Variants in GLT6D1 observed in about 807,000 individuals in gnomAD.
GLT6D1 encodes putative glycosyltransferase 6 domain-containing protein 1.
GLT6D1 carries 9 observed loss-of-function variants against 12.3 expected under a neutral mutation model. The ratio of observed to expected loss-of-function variants is 0.73; its 90% CI spans 0.44 to 1.27. The LOEUF is 1.27. GLT6D1 is among the 50% of genes most tolerant of loss of function. The pLI, the probability that GLT6D1 is intolerant of heterozygous loss-of-function variation, is 0.00. For synonymous variants in GLT6D1, 128 were observed against 132.3 expected (o/e 0.97, Z 0.23); for missense variants, 335 against 346.2 (o/e 0.97, Z 0.26).
At chr9:135,634,107 G>A (rs1221786688) in intron 2 of GLT6D1, among the ~76,000 whole-genome samples, 2 of 152,138 alleles carry the variant, frequency 1.3e-5, no homozygotes, top group Non-Finnish European at 2.9e-5. Flanking sequence ...AAAATACATG[G>A]CACCAAAGCA....
intron 3 of GLT6D1, among the ~76,000 whole-genome samples, chr9:135,631,126 G>A (rs1459842440): frequency 6.6e-6 from 1 of 152,184 alleles, no homozygotes; most frequent in East Asian, 1.9e-4. Context: ...GCCCCTGAGT[G>A]CTGCCACCAA....
At chr9:135,632,543 C>T (rs1833673506) in intron 2 of GLT6D1, among the ~76,000 whole-genome samples, 1 of 152,122 alleles carries the variant, frequency 6.6e-6, no homozygotes, top group South Asian at 2.1e-4. Context: ...AATAAAAAGT[C>T]CCCATTCTTT....
chr9:135,640,345 A>G (rs529699238), upstream of GLT6D1, among the ~76,000 whole-genome samples: 5 of 152,238 alleles, frequency 3.3e-5, no homozygotes, highest in Non-Finnish European at 7.3e-5. Flanking sequence ...AATGAGTTAA[A>G]TGAGAAATAA....
intron 3 of GLT6D1, among the ~76,000 whole-genome samples, chr9:135,627,564 C>T (rs1310517165): frequency 1.3e-5 from 2 of 152,068 alleles, no homozygotes; most frequent in Admixed American, 6.5e-5. Context: ...TTTATATGTT[C>T]ATTAGTTGAT....
Position 135,626,199 on chromosome 9 carries a change from G to A in GLT6D1, c.127C>T (p.Pro43Ser). Residue 43 changes from proline (P) to serine (S), a missense_variant, in exon 4 of 5, where the codon CCT becomes TCT. Transcript: ENST00000371763. The stretch of plus-strand genomic sequence containing the variant: ...CAGTCTGTTTTCGTTATAACATCAG[G>A]GCGTTTTCTGTGGAACAAGAACCAA... ...LSDWFHPRKR[P>S]DVITKTDWLA... 6.2e-7 allele frequency: 1 copy of A among 1,613,634 alleles called. No individual in the cohort carries two copies. Among genetic ancestry groups the A allele is most frequent in the Non-Finnish European group, 8.5e-7 (1 of 1,179,898 alleles).
At chr9:135,639,694 T>G (rs1300055095), upstream of GLT6D1, among the ~76,000 whole-genome samples, 1 of 152,224 alleles carries the variant, frequency 6.6e-6, no homozygotes, top group African/African-American at 2.4e-5. Context: ...TTAAAGGCAT[T>G]AGACTTTACA....
upstream of GLT6D1, among the ~76,000 whole-genome samples, chr9:135,640,156 A>G (rs13292746): frequency 0.5 from 76,416 of 151,928 alleles, 20,536 homozygotes; most frequent in Middle Eastern, 0.62. Flanking sequence ...CACTTGCCAC[A>G]TGTGGTCCCG....
At chr9:135,641,131 G>A (rs1349884067), upstream of GLT6D1, among the ~76,000 whole-genome samples, 1 of 151,666 alleles carries the variant, frequency 6.6e-6, no homozygotes, top group Non-Finnish European at 1.5e-5. Context: ...CAAAGAGATG[G>A]CCAAAGATGT....
intron 2 of GLT6D1, among the ~76,000 whole-genome samples, chr9:135,636,162 C>T (rs945662669): frequency 4.6e-5 from 7 of 152,142 alleles, no homozygotes; most frequent in Non-Finnish European, 1.0e-4. Flanking sequence ...TGAGACCAGC[C>T]TGGCCAACAT....
At chr9:135,628,997 A>T (rs1833578436) in intron 3 of GLT6D1, among the ~76,000 whole-genome samples, 1 of 152,096 alleles carries the variant, frequency 6.6e-6, no homozygotes, top group East Asian at 1.9e-4. Flanking sequence ...TTATCTTTTC[A>T]AAAAACCAAT....
At position 135,636,664 on chromosome 9, in the gene GLT6D1, T is replaced by A. The variant is rs563056992; in HGVS notation, c.71+2453A>T. 2.6e-5 allele frequency among the ~76,000 whole-genome samples: 4 copies of A among 152,286 alleles called. No homozygotes were observed. In the East Asian group the frequency reaches 7.7e-4, roughly 29 times the overall value. On this transcript the variant is annotated intron_variant, in intron 2 of 4. Transcript: ENST00000371763. The stretch of plus-strand genomic sequence containing the variant: ...CCAAAATTCCTTTGTGCTTCACCTA[T>A]TCATCCCCTCCCTCACCTCCACCCC...
At chr9:135,634,014 T>A (rs1475400931) in intron 2 of GLT6D1, among the ~76,000 whole-genome samples, 2 of 152,214 alleles carry the variant, frequency 1.3e-5, no homozygotes, top group Non-Finnish European at 2.9e-5. Context: ...ATCATTATCC[T>A]CAAACAGAGC....
rs10686489 is a variant in GLT6D1, at chr9:135,632,137, A to ATT, written c.72-661_72-660dup. 3.9e-3 allele frequency among the ~76,000 whole-genome samples: 557 copies of ATT among 144,094 alleles called. 4 individuals carry two copies. The highest frequency in any genetic ancestry group is 0.011 in the East Asian group (55 of 4,822). The allele number at this position is 144,094 out of a possible 152,430, so 94.5% of individuals were successfully genotyped here. Reference sequence around the variant, plus strand: ...CCTCTGTTTCATAACCCTGGGAGCAATTTTTTTTTTTTTGAGACAGGCTCT... The same window carrying ATT: ...CCTCTGTTTCATAACCCTGGGAGCAATTTTTTTTTTTTTTTGAGACAGGCTCT... On this transcript the variant is annotated intron_variant, in intron 2 of 4. Transcript: ENST00000371763.
At chr9:135,626,292 G>A in intron 3 of GLT6D1, 86 bp from the exon 4 acceptor site, 1 of 1,432,552 alleles carries the variant, frequency 7.0e-7, no homozygotes, top group South Asian at 1.3e-5. Context: ...AATGCTTAGA[G>A]AGCACCTAGT....
Position 135,624,512 on chromosome 9 carries a change from G to T in GLT6D1, c.416C>A (p.Thr139Asn), listed in dbSNP as rs201060314. The T allele has an allele frequency of 6.2e-7, 1 of 1,614,020 alleles. No homozygotes were observed. Among genetic ancestry groups the T allele is most frequent in the Admixed American group, 1.7e-5 (1 of 60,016 alleles). ...GGGGCCATCGAGCCACCACCTCTCG[G>T]TGCCCACTTTAAATGCTTTGAACGT... ...LRTFKAFKVG[T>N]ERWWLDGPLV... The change falls in exon 5 of 5, where the codon ACC becomes AAC. Residue 139 changes from threonine to asparagine, a missense_variant. Transcript: ENST00000371763.
At position 135,623,804 on chromosome 9, in the gene GLT6D1, TATTAAC is replaced by T; in HGVS notation, c.*287_*292del. On this transcript the variant is annotated 3_prime_UTR_variant, in exon 5 of 5. Coordinates refer to ENST00000371763, the MANE Select transcript of GLT6D1 (RefSeq NM_182974.3). ...ATACATAGATAATAACATTACTGTG[TATTAAC>T]ATTAAGTAATTATCCTTTTATTCTT... is the stretch of plus-strand genomic sequence containing the variant. The T allele has an allele frequency of 3.3e-6, 1 of 298,644 alleles. No individual in the cohort carries two copies. Among genetic ancestry groups the T allele is most frequent in the Middle Eastern group, 1.0e-3 (1 of 978 alleles). 18.5% of individuals were successfully genotyped at this position (298,644 alleles called of 1,614,324 possible). A position where few individuals can be genotyped will look rare whatever the true frequency, so the allele number is the denominator to read the frequency against.
chr9:135,638,140 A>G (rs1360837922), intron 2 of GLT6D1, among the ~76,000 whole-genome samples: 3 of 152,214 alleles, frequency 2.0e-5, no homozygotes, highest in Non-Finnish European at 4.4e-5. Context: ...CTTCCATGGC[A>G]GCGGCAAGAG....
intron 3 of GLT6D1, among the ~76,000 whole-genome samples, chr9:135,630,859 CCATT>C (rs1239300443): frequency 2.0e-5 from 3 of 151,922 alleles, no homozygotes; most frequent in African/African-American, 7.3e-5. Flanking sequence ...TAAAATGGTA[CCATT>C]ATTAAAAGTA....
intron 3 of GLT6D1, among the ~76,000 whole-genome samples, chr9:135,630,091 C>A (rs989078836): frequency 6.6e-6 from 1 of 152,050 alleles, no homozygotes; most frequent in African/African-American, 2.4e-5. Flanking sequence ...TAATAAAACT[C>A]GACATTTTAT....
Sources: allele counts gnomAD v4.1 joint callset (sites outside exome capture counted in the v4.1 genomes callset), GRCh38; gene constraint gnomAD v4.1.1; transcripts MANE v1.5; gene names NCBI Gene and HGNC (gene_info 2026-07-23, HGNC 2026-07-21).